The following FUNDC2 variants were observed in gnomAD, a reference collection of about 807,000 sequenced individuals.
FUNDC2 encodes FUN14 domain-containing protein 2.
In FUNDC2, 4 loss-of-function variants were observed where a neutral mutation model predicts 15.6. That is an observed-to-expected ratio of 0.26 (90% CI 0.13 to 0.59). The LOEUF (loss-of-function observed/expected upper bound fraction) is 0.59, where lower values mean the gene tolerates loss of function less well. FUNDC2 is among the 20% of genes least tolerant of loss of function. FUNDC2 has a pLI of 0.90. For missense variants in FUNDC2, 98 were observed against 149.7 expected, an observed-to-expected ratio of 0.65 and a Z score of 1.80; for synonymous variants, 44 against 56.9, an observed-to-expected ratio of 0.77 and a Z score of 1.02.
In FUNDC2 at chrX:155,058,397, G is replaced by C. The variant is rs1368616919; in HGVS notation, c.*3725G>C. ...TGTCAGAAAGATGGGCATAACTAAT[G>C]GTTGGGCTCTTATTTGGAACCTCTA... On this transcript the variant is annotated 3_prime_UTR_variant, in exon 5 of 5. Transcript: ENST00000369498. 1 of 111,617 alleles carries C rather than the reference G, an allele frequency of 9.0e-6. No individual in the cohort carries two copies. The highest frequency in any genetic ancestry group is 2.8e-4 in the East Asian group (1 of 3,564). 9.2% of individuals were successfully genotyped at this position (111,617 alleles called of 1,213,427 possible).
At chrX:155,029,340 T>C (rs2073806919) in intron 1 of FUNDC2, among the ~76,000 whole-genome samples, 1 of 112,439 alleles carries the variant, frequency 8.9e-6, no homozygotes, top group African/African-American at 3.2e-5. Context: ...GCATAATATA[T>C]GATTGTTTTG....
At chrX:155,045,972 CATT>C (rs781994038) in intron 2 of FUNDC2, among the ~76,000 whole-genome samples, 36 of 111,048 alleles carry the variant, frequency 3.2e-4, no homozygotes, top group African/African-American at 1.0e-3. Context: ...TTCAAAATGA[CATT>C]ATCTCCTCCC....
Position 155,027,020 on chromosome X carries a change from C to A in FUNDC2, c.82C>A (p.Leu28Ile). 1 of 1,201,685 alleles carries A rather than the reference C, an allele frequency of 8.3e-7. No individual in the cohort carries two copies. Among genetic ancestry groups the A allele is most frequent in the South Asian group, 1.8e-5 (1 of 55,933 alleles). The change falls in exon 1 of 5, where the codon CTA (leucine) becomes ATA (isoleucine). Residue 28 changes from leucine to isoleucine, a missense_variant. Leu to Ile is a conservative substitution (Grantham distance 5). Transcript: ENST00000369498. ...RHSAAYRADP[L>I]RVSSRDKLTE... is the part of the protein sequence containing the mutation. ...CTCCGCGGCCTACCGCGCAGATCCT[C>A]TACGTGTGTCCTCGCGAGACAAGCT...
chrX:155,052,221 T>C (rs1603439008), intron 4 of FUNDC2, among the ~76,000 whole-genome samples: 1 of 106,093 alleles, frequency 9.4e-6, no homozygotes, highest in African/African-American at 3.5e-5. Flanking sequence ...TAGCCATAGA[T>C]GATATGTTAA....
At chrX:155,044,522 A>ACC (rs2073856465) in intron 2 of FUNDC2, among the ~76,000 whole-genome samples, 1 of 112,172 alleles carries the variant, frequency 8.9e-6, no homozygotes, top group Admixed American at 9.4e-5. Flanking sequence ...AGAACAACAA[A>ACC]TAACCTGATT....
At position 155,060,203 on chromosome X, in the gene FUNDC2, A is replaced by T. The variant is rs782451366; in HGVS notation, c.*5531A>T. Reference sequence around the variant, plus strand: ...ACACAGAAAAACAATCTATTTGATCATGTAGTGATTCCTAATGTAAATCCT... The same window carrying T: ...ACACAGAAAAACAATCTATTTGATCTTGTAGTGATTCCTAATGTAAATCCT... On this transcript the variant is annotated 3_prime_UTR_variant, in exon 5 of 5. Transcript: ENST00000369498. The T allele has an allele frequency of 8.9e-6, 1 of 112,682 alleles. No individual in the cohort carries two copies. Among genetic ancestry groups the T allele is most frequent in the East Asian group, 2.7e-4 (1 of 3,641 alleles). 9.3% of individuals were successfully genotyped at this position (112,682 alleles called of 1,213,427 possible).
intron 4 of FUNDC2, among the ~76,000 whole-genome samples, chrX:155,053,588 TGGA>T (rs1557290634): frequency 9.0e-6 from 1 of 110,770 alleles, no homozygotes; most frequent in East Asian, 2.8e-4. Flanking sequence ...CCAGGAGAGA[TGGA>T]GGAGGAGTGG....
intron 2 of FUNDC2, 59 bp from the exon 3 acceptor site, chrX:155,046,450 G>A: frequency 1.0e-6 from 1 of 993,236 alleles, no homozygotes; most frequent in Non-Finnish European, 1.4e-6. Context: ...TGCCAGAAAT[G>A]CATGTTTGTA....
chrX:155,042,758 CT>C (rs2073851770), intron 2 of FUNDC2, among the ~76,000 whole-genome samples: 2 of 111,752 alleles, frequency 1.8e-5, no homozygotes, highest in African/African-American at 6.5e-5. Context: ...CCAGTTCCCC[CT>C]ATGGTAGCAT....
At chrX:155,047,066 T>G in intron 3 of FUNDC2, 1 of 239,655 alleles carries the variant, frequency 4.2e-6, no homozygotes. Context: ...TGAGACTGCT[T>G]AGGAGAGACT....
In FUNDC2 at chrX:155,058,070, G is replaced by C. The variant is rs903683479; in HGVS notation, c.*3398G>C. The stretch of plus-strand genomic sequence containing the variant: ...TGACTCTCCTCCCAAATGGCCGCTT[G>C]TTTGTTGCAATCTCCCGCCACTCAG... On this transcript the variant is annotated 3_prime_UTR_variant, in exon 5 of 5. Transcript: ENST00000369498. 1.8e-5 allele frequency: 2 copies of C among 111,286 alleles called. No homozygotes were observed. The highest frequency in any genetic ancestry group is 3.3e-5 in the African/African-American group (1 of 30,534). 9.2% of individuals were successfully genotyped at this position (111,286 alleles called of 1,213,427 possible).
intron 3 of FUNDC2, chrX:155,050,364 C>A (rs919594745): frequency 3.1e-4 from 35 of 111,884 alleles, no homozygotes; most frequent in African/African-American, 1.1e-3. Flanking sequence ...AAGCAGGAAA[C>A]ACGCCACCAG....
At chrX:155,036,029 A>G (rs983347415) in intron 2 of FUNDC2, among the ~76,000 whole-genome samples, 1 of 111,833 alleles carries the variant, frequency 8.9e-6, no homozygotes. Context: ...TTTTGGGTAA[A>G]TATCTAGGAA....
chrX:155,051,308 C>G (rs1288881613), intron 3 of FUNDC2: 1 of 164,139 alleles, frequency 6.1e-6, no homozygotes, highest in Non-Finnish European at 1.2e-5. Context: ...AACTGACACT[C>G]ATGGGCACAT....
At chrX:155,047,900 T>C (rs1473893475) in intron 3 of FUNDC2, among the ~76,000 whole-genome samples, 1 of 110,761 alleles carries the variant, frequency 9.0e-6, no homozygotes, top group Non-Finnish European at 1.9e-5. Flanking sequence ...TGTGGGCTTG[T>C]TACGTGCTGG....
chrX:155,051,519 G>C (rs2073879551), intron 3 of FUNDC2, 151 bp from the exon 4 acceptor site: 3 of 538,137 alleles, frequency 5.6e-6, no homozygotes, highest in Non-Finnish European at 9.2e-6. Flanking sequence ...ATGCTGAGTA[G>C]ATGTCATCAT....
chrX:155,031,670 A>G (rs979832180), intron 1 of FUNDC2, among the ~76,000 whole-genome samples: 3 of 112,384 alleles, frequency 2.7e-5, no homozygotes, highest in Admixed American at 1.9e-4. Context: ...TTTCCTTTAT[A>G]TGGCTTTGCC....
In FUNDC2 at chrX:155,033,539, A is replaced by C. The variant is rs1557288928; in HGVS notation, c.270A>C (p.Gly90=). ...GCGTGGCAACCCAGCTGTTCATTGG[A>C]GGTGTCACTGGATGGTAAGTGATGT... ...KYSVATQLFI[G]GVTGWCTGFI... Residue 90 remains glycine, a synonymous_variant, in exon 2 of 5, where the codon GGA becomes GGC. Coordinates refer to ENST00000369498, the MANE Select transcript of FUNDC2 (RefSeq NM_023934.4). The C allele has an allele frequency of 2.1e-5, 26 of 1,209,764 alleles. No homozygotes were observed. The highest frequency in any genetic ancestry group is 2.8e-5 in the Non-Finnish European group (25 of 893,974).
intron 4 of FUNDC2, among the ~76,000 whole-genome samples, chrX:155,053,627 C>T (rs782400308): frequency 7.2e-5 from 8 of 110,803 alleles, no homozygotes; most frequent in African/African-American, 9.9e-5. Context: ...ACATAGGCAT[C>T]GTTGGAGTAA....
Sources: gnomAD v4.1 joint callset for allele counts (sites outside exome capture counted in the v4.1 genomes callset) on GRCh38, gnomAD v4.1.1 for gene constraint, MANE v1.5 for transcripts, NCBI Gene and HGNC (gene_info 2026-07-23, HGNC 2026-07-21) for gene names.